The following FHIT variants were observed in gnomAD, a reference collection of about 807,000 sequenced individuals.
FHIT encodes fragile histidine triad diadenosine triphosphatase, also known as bis(5'-adenosyl)-triphosphatase.
A neutral mutation model predicts 17.9 loss-of-function variants in FHIT; 19 were observed. That is an observed-to-expected ratio of 1.06 (90% confidence interval 0.74 to 1.56). FHIT has a LOEUF of 1.56. FHIT is among the 40% of genes most tolerant of loss of function. The pLI is 0.00. For synonymous variants in FHIT, 81 were observed against 69.7 expected, an observed-to-expected ratio of 1.16 and a Z score of -0.81; for missense variants, 248 against 189.2, an observed-to-expected ratio of 1.31 and a Z score of -1.82.
At chr3:61,196,758 A>G (rs2038862408) in intron 2 of FHIT, among the ~76,000 whole-genome samples, 1 of 152,212 alleles carries the variant, frequency 6.6e-6, no homozygotes, top group African/African-American at 2.4e-5. Context: ...ACCAGACAGT[A>G]GAAAAAGCTG....
chr3:59,792,984 A>C (rs1339191711), intron 8 of FHIT, among the ~76,000 whole-genome samples: 1 of 151,786 alleles, frequency 6.6e-6, no homozygotes, highest in Non-Finnish European at 1.5e-5. Context: ...CTGTACCTCC[A>C]TCCGCCTGCA....
chr3:59,856,440 T>C (rs777056416), intron 8 of FHIT, among the ~76,000 whole-genome samples: 8 of 152,130 alleles, frequency 5.3e-5, no homozygotes, highest in Non-Finnish European at 1.2e-4. Flanking sequence ...AAAAAAGAGA[T>C]TATTCCCCAT....
At chr3:60,775,794 G>A (rs57755919) in intron 4 of FHIT, among the ~76,000 whole-genome samples, 18,453 of 152,084 alleles carry the variant, frequency 0.12, 1,375 homozygotes, top group African/African-American at 0.21. Context: ...CCGGGGCTGG[G>A]ACACATGGCC....
At chr3:60,029,909 G>GTGTGTGTC in intron 5 of FHIT, among the ~76,000 whole-genome samples, 1 of 32,226 alleles carries the variant, frequency 3.1e-5, no homozygotes, top group Non-Finnish European at 1.3e-4. Flanking sequence ...GTGTGTGTGT[G>GTGTGTGTC]TGTGTGTGTG....
chr3:60,442,687 A>T (rs2030994643), intron 5 of FHIT, among the ~76,000 whole-genome samples: 2 of 152,140 alleles, frequency 1.3e-5, no homozygotes, highest in South Asian at 2.1e-4. Context: ...CTTGTAGTAT[A>T]GTTTGAAGTC....
At chr3:59,967,750 A>G (rs190478941) in intron 7 of FHIT, among the ~76,000 whole-genome samples, 1 of 152,276 alleles carries the variant, frequency 6.6e-6, no homozygotes, top group East Asian at 1.9e-4. Context: ...AAAATACAAC[A>G]TATAGTATAT....
chr3:59,824,367 C>G (rs1279914969), intron 8 of FHIT, among the ~76,000 whole-genome samples: 4 of 152,224 alleles, frequency 2.6e-5, no homozygotes, highest in African/African-American at 9.6e-5. Flanking sequence ...ATCTTACATG[C>G]ACTGGCTTGG....
chr3:61,041,055 A>G (rs1266164026), intron 3 of FHIT, among the ~76,000 whole-genome samples: 1 of 152,162 alleles, frequency 6.6e-6, no homozygotes. Context: ...TTTAGAACTT[A>G]CTAAAACAAG....
chr3:60,595,552 T>C (rs1553666024), intron 4 of FHIT, among the ~76,000 whole-genome samples: 1 of 151,500 alleles, frequency 6.6e-6, no homozygotes, highest in African/African-American at 2.4e-5. Flanking sequence ...TGTGTGTATA[T>C]ATGGACATAT....
At chr3:60,520,957 T>G (rs17063428) in intron 5 of FHIT, among the ~76,000 whole-genome samples, 1 of 151,900 alleles carries the variant, frequency 6.6e-6, no homozygotes, top group African/African-American at 2.4e-5. Context: ...CCATGCCTCA[T>G]AGAAGAGAAA....
chr3:60,455,768 C>T (rs1179687863), intron 5 of FHIT, among the ~76,000 whole-genome samples: 1 of 152,006 alleles, frequency 6.6e-6, no homozygotes, highest in Non-Finnish European at 1.5e-5. Flanking sequence ...GTGGTAGTAG[C>T]TGCATGCCCA....
chr3:59,922,202 T>C, intron 8 of FHIT, 144 bp downstream of exon 8: 3 of 713,890 alleles, frequency 4.2e-6, no homozygotes, highest in Non-Finnish European at 7.3e-6. Context: ...CTTGACTCCT[T>C]GGCCTCTATT....
In FHIT at chr3:60,521,498, C is replaced by T. The variant is rs374423149; in HGVS notation, c.103+15362G>A. 3.9e-4 allele frequency among the ~76,000 whole-genome samples: 59 copies of T among 152,246 alleles called. No individual in the cohort carries two copies. The East Asian group carries it at 8.1e-3, about 21-fold the overall frequency. ...TGCTGACTTCGTGATCCGCCCACCTCGGCCTCCCAAAGTGCTGGGATTACA... is the reference window on the plus strand; with the variant it reads ...TGCTGACTTCGTGATCCGCCCACCTTGGCCTCCCAAAGTGCTGGGATTACA... On this transcript the variant is annotated intron_variant, in intron 5 of 9. Coordinates refer to ENST00000492590, the MANE Select transcript of FHIT (RefSeq NM_002012.4).
At chr3:60,612,085 T>C (rs2038802788) in intron 4 of FHIT, among the ~76,000 whole-genome samples, 2 of 152,116 alleles carry the variant, frequency 1.3e-5, no homozygotes, top group Admixed American at 1.3e-4. Flanking sequence ...TACCTGCCTA[T>C]CCTGACTTCT....
At chr3:60,789,195 GAGAGAC>G (rs1184561046) in intron 4 of FHIT, among the ~76,000 whole-genome samples, 1 of 146,938 alleles carries the variant, frequency 6.8e-6, no homozygotes, top group African/African-American at 2.5e-5. Flanking sequence ...GAGAGAGAGA[GAGAGAC>G]AGAGGAGAGA....
At chr3:59,805,583 T>A (rs940614273) in intron 8 of FHIT, among the ~76,000 whole-genome samples, 6 of 152,094 alleles carry the variant, frequency 3.9e-5, no homozygotes, top group African/African-American at 1.2e-4. Flanking sequence ...TTAGACTACA[T>A]CCTTTTTGAC....
intron 3 of FHIT, chr3:60,912,900 A>G: frequency 2.5e-6 from 1 of 406,062 alleles, no homozygotes; most frequent in Non-Finnish European, 4.7e-6. Context: ...GTGTATGTGC[A>G]AGTACATGTT....
At chr3:60,745,408 A>G (rs1364659850) in intron 4 of FHIT, among the ~76,000 whole-genome samples, 3 of 152,214 alleles carry the variant, frequency 2.0e-5, no homozygotes, top group African/African-American at 7.2e-5. Flanking sequence ...GAATAGAGTG[A>G]TGAAGATGGA....
chr3:60,367,300 C>T (rs983794019), intron 5 of FHIT, among the ~76,000 whole-genome samples: 3 of 152,114 alleles, frequency 2.0e-5, no homozygotes, highest in African/African-American at 7.2e-5. Flanking sequence ...CAATCAGGAG[C>T]CAAGGCCCTG....
Sources: allele counts gnomAD v4.1 joint callset (sites outside exome capture counted in the v4.1 genomes callset), GRCh38; gene constraint gnomAD v4.1.1; transcripts MANE v1.5; gene names NCBI Gene and HGNC (gene_info 2026-07-23, HGNC 2026-07-21).